Variants in IQCB1 observed in about 807,000 individuals in gnomAD.
The protein encoded by IQCB1 is IQ calmodulin-binding motif-containing protein 1.
IQCB1 carries 56 observed loss-of-function variants against 84.4 expected under a neutral mutation model. The observed-to-expected ratio is 0.66, with a 90% CI of 0.54 to 0.83. The LOEUF (loss-of-function observed/expected upper bound fraction) is 0.83, where lower values mean the gene tolerates loss of function less well. IQCB1 is among the 40% of genes least tolerant of loss of function. IQCB1 has a pLI of 0.00. For synonymous variants in IQCB1, 210 were observed against 234.8 expected (o/e 0.89, Z 0.96); for missense variants, 629 against 682.1 (o/e 0.92, Z 0.87).
At chr3:121,809,198 T>A (rs912922207) in intron 5 of IQCB1, among the ~76,000 whole-genome samples, 189 bp from the exon 6 acceptor site, 12 of 152,020 alleles carry the variant, frequency 7.9e-5, no homozygotes, top group African/African-American at 2.9e-4. Context: ...GATAGTAATA[T>A]CTACTAGAAA....
rs767965300 is a variant in IQCB1 at position 121,808,908 on chromosome 3, T to C, written c.487+8A>G. ...AGCTATTAGTTACATTAAAATCTTT[T>C]CTCTTACCATTCTGAATAAGTTCAA... is the stretch of plus-strand genomic sequence containing the variant. On this transcript the variant is annotated splice_region_variant and intron_variant, in intron 6 of 14. Coordinates refer to ENST00000310864, the MANE Select transcript of IQCB1 (RefSeq NM_001023570.4). 1 of 1,554,812 alleles carries C rather than the reference T, an allele frequency of 6.4e-7. No individual in the cohort carries two copies. Among genetic ancestry groups the C allele is most frequent in the Admixed American group, 1.7e-5 (1 of 59,784 alleles).
intron 4 of IQCB1, among the ~76,000 whole-genome samples, chr3:121,827,614 T>C (rs180963298): frequency 1.6e-3 from 237 of 152,188 alleles, no homozygotes; most frequent in Middle Eastern, 3.4e-3. Flanking sequence ...AAAATTAAAG[T>C]ATGAAAAAGA....
intron 14 of IQCB1, among the ~76,000 whole-genome samples, chr3:121,771,121 G>A (rs367578642): frequency 6.6e-6 from 1 of 151,640 alleles, no homozygotes; most frequent in Non-Finnish European, 1.5e-5. Context: ...ACAGGCGTGC[G>A]CCACCATGCC....
chr3:121,815,453 G>C (rs1278337674), intron 5 of IQCB1, among the ~76,000 whole-genome samples: 1 of 152,164 alleles, frequency 6.6e-6, no homozygotes, highest in Non-Finnish European at 1.5e-5. Flanking sequence ...AATAGGAAGA[G>C]AGAAAGTCAA....
chr3:121,828,503 C>T lies in IQCB1; in HGVS notation c.230G>A (p.Trp77Ter). Reference sequence around the variant, plus strand: ...CTGTGTAAGCTGGGAAATTGTAGTCCAACCACCCTGGATTCGAGAATAATC... The same window carrying T: ...CTGTGTAAGCTGGGAAATTGTAGTCTAACCACCCTGGATTCGAGAATAATC... ...SQDYSRIQGGWTTISQLTQIL... is the reference protein window; with the variant it reads ...SQDYSRIQGG The change falls in exon 4 of 15, where the codon TGG (tryptophan) becomes TAG (stop). Residue 77 changes from tryptophan to a stop codon, truncating the protein, a stop_gained. Coordinates refer to ENST00000310864, the MANE Select transcript of IQCB1 (RefSeq NM_001023570.4). LOFTEE classifies it high-confidence loss of function. The T allele has an allele frequency of 6.2e-7, 1 of 1,613,136 alleles. No homozygotes were observed. The highest frequency in any genetic ancestry group is 8.5e-7 in the Non-Finnish European group (1 of 1,179,314).
intron 12 of IQCB1, among the ~76,000 whole-genome samples, chr3:121,786,170 C>CGAAAAGAAAGAAAAAGAAAAGAAAAG (rs1553710812): frequency 2.7e-5 from 2 of 72,882 alleles, no homozygotes; most frequent in African/African-American, 1.3e-4. Flanking sequence ...GATTCTGTCT[C>CGAAAAGAAAGAAAAAGAAAAGAAAAG]AAAAGAAAAG....
intron 13 of IQCB1, among the ~76,000 whole-genome samples, chr3:121,781,216 G>A (rs959850388): frequency 2.6e-5 from 4 of 152,158 alleles, no homozygotes; most frequent in African/African-American, 9.7e-5. Context: ...GGTGGGAGAA[G>A]AGAATAACAG....
At position 121,799,387 on chromosome 3, in the gene IQCB1, A is replaced by C; in HGVS notation, c.588-13T>G. ...GAGTAAATCACCACTAATAGAACAAAATAAAAAAAAAAGTACCATTACTAA... is the reference window on the plus strand; with the variant it reads ...GAGTAAATCACCACTAATAGAACAACATAAAAAAAAAAGTACCATTACTAA... On this transcript the variant is annotated splice_polypyrimidine_tract_variant and intron_variant, in intron 7 of 14. Coordinates refer to ENST00000310864, the MANE Select transcript of IQCB1 (RefSeq NM_001023570.4). 6.7e-7 allele frequency: 1 copy of C among 1,483,830 alleles called. No homozygotes were observed. Among genetic ancestry groups the C allele is most frequent in the Non-Finnish European group, 9.3e-7 (1 of 1,069,852 alleles). The allele number at this position is 1,483,830 out of a possible 1,614,324, so 91.9% of individuals were successfully genotyped here.
intron 2 of IQCB1, among the ~76,000 whole-genome samples, chr3:121,832,430 T>C (rs1194163771): frequency 6.6e-6 from 1 of 151,604 alleles, no homozygotes; most frequent in Non-Finnish European, 1.5e-5. Context: ...TGGGTTCAAG[T>C]GATTTCATGC....
intron 5 of IQCB1, among the ~76,000 whole-genome samples, chr3:121,813,098 G>C (rs1226572811): frequency 6.6e-6 from 1 of 151,904 alleles, no homozygotes; most frequent in Non-Finnish European, 1.5e-5. Context: ...AGCCAAAAGA[G>C]AGTGGGGGCC....
At chr3:121,789,142 T>C (rs1948855045) in intron 11 of IQCB1, among the ~76,000 whole-genome samples, 1 of 152,138 alleles carries the variant, frequency 6.6e-6, no homozygotes. Context: ...CCTGTGGATA[T>C]CCAGGTAAAG....
chr3:121,790,180 C>A lies in IQCB1; in HGVS notation c.1022G>T (p.Arg341Met). ...KRSKMLLEIN[R>M]QKEEEDLKLQ... ...TTTGAGGTCCTCTTCTTCCTTCTGC[C>A]TATTTATCTCCAGCAACATCTTTGA... Residue 341 changes from arginine (R) to methionine (M), a missense_variant, in exon 11 of 15, where the codon AGG becomes ATG. By Grantham distance (91) the Arg-to-Met change is moderately conservative. Coordinates refer to ENST00000310864, the MANE Select transcript of IQCB1 (RefSeq NM_001023570.4). 6.2e-7 allele frequency: 1 copy of A among 1,613,624 alleles called. No individual in the cohort carries two copies.
intron 7 of IQCB1, among the ~76,000 whole-genome samples, chr3:121,801,810 CTTTTTT>C (rs5852277): frequency 1.1e-5 from 1 of 89,928 alleles, no homozygotes; most frequent in Non-Finnish European, 2.0e-5. Context: ...GCTGCAAGGC[CTTTTTT>C]TTTTTTTTTT....
At chr3:121,781,991 TAAGGA>T (rs1372707370) in intron 12 of IQCB1, 117 bp from the exon 13 acceptor site, 1 of 1,038,038 alleles carries the variant, frequency 9.6e-7, no homozygotes, top group Non-Finnish European at 1.5e-6. Context: ...TGAGTGTGTA[TAAGGA>T]GGGGAATGGG....
At chr3:121,777,076 T>C (rs1321423991) in intron 13 of IQCB1, among the ~76,000 whole-genome samples, 1 of 152,248 alleles carries the variant, frequency 6.6e-6, no homozygotes, top group Non-Finnish European at 1.5e-5. Context: ...TATTTCTCCA[T>C]TGTTTCCTTT....
chr3:121,793,821 T>A (rs1364499026), intron 10 of IQCB1, among the ~76,000 whole-genome samples: 1 of 152,130 alleles, frequency 6.6e-6, no homozygotes, highest in Non-Finnish European at 1.5e-5. Context: ...CACTTCTAAG[T>A]AGAAAAAAAT....
At chr3:121,801,735 T>C (rs953982451) in intron 7 of IQCB1, among the ~76,000 whole-genome samples, 1 of 151,094 alleles carries the variant, frequency 6.6e-6, no homozygotes, top group Non-Finnish European at 1.5e-5. Context: ...TTGCCTTCCC[T>C]ATCATTCTAT....
At chr3:121,823,789 C>T (rs1268687680) in intron 5 of IQCB1, among the ~76,000 whole-genome samples, 2 of 152,064 alleles carry the variant, frequency 1.3e-5, no homozygotes, top group African/African-American at 4.8e-5. Flanking sequence ...GACAACCAGA[C>T]ATAGTAGATA....
At chr3:121,785,995 T>C (rs1948693250) in intron 12 of IQCB1, among the ~76,000 whole-genome samples, 1 of 127,092 alleles carries the variant, frequency 7.9e-6, no homozygotes, top group South Asian at 2.8e-4. Flanking sequence ...ACAGTGAGAC[T>C]TAGTCTCTAC....
Sources: gnomAD v4.1 joint callset for allele counts (sites outside exome capture counted in the v4.1 genomes callset) on GRCh38, gnomAD v4.1.1 for gene constraint, MANE v1.5 for transcripts, NCBI Gene and HGNC (gene_info 2026-07-23, HGNC 2026-07-21) for gene names.